RSF1: variants seen among roughly 807,000 people sequenced by gnomAD.
RSF1 encodes HBV pX-associated protein 8.
A neutral mutation model predicts 145.2 loss-of-function variants in RSF1; 13 were observed. The observed-to-expected ratio is 0.09, with a 90% CI of 0.06 to 0.14. The LOEUF is 0.14. Ranked by LOEUF, RSF1 falls within the 10% of genes least tolerant of loss-of-function variation. The pLI is 1.00. For missense variants in RSF1, 1,517 were observed against 1,718.2 expected (o/e 0.88, Z 2.07); for synonymous variants, 577 against 592.6 (o/e 0.97, Z 0.38).
chr11:77,748,251 G>T, intron 2 of RSF1, among the ~76,000 whole-genome samples: 1 of 145,098 alleles, frequency 6.9e-6, no homozygotes, highest in South Asian at 2.2e-4. Flanking sequence ...TTGGAGATAG[G>T]TCTCACTCTG....
At chr11:77,674,577 G>GCATCTAGA in intron 14 of RSF1, among the ~76,000 whole-genome samples, 1 of 152,182 alleles carries the variant, frequency 6.6e-6, no homozygotes, top group African/African-American at 2.4e-5. Flanking sequence ...ATCCTACTAG[G>GCATCTAGA]CATCTGATAT....
the RSF1 span, among the ~76,000 whole-genome samples, chr11:77,841,646 T>C: frequency 1.3e-5 from 2 of 152,170 alleles, no homozygotes; most frequent in Admixed American, 6.6e-5. Flanking sequence ...CCCAGAATGT[T>C]TGGGTGTCTT....
chr11:77,816,380 AAG>A (rs1948782052), intron 1 of RSF1, among the ~76,000 whole-genome samples: 2 of 152,252 alleles, frequency 1.3e-5, no homozygotes, highest in South Asian at 2.1e-4. Flanking sequence ...CAGTACCAGT[AAG>A]AGAGACCATA....
Position 77,665,436 on chromosome 11 carries a change from AC to A in RSF1, c.*1480del. 1 of 152,374 alleles carries A rather than the reference AC, an allele frequency of 6.6e-6. No individual in the cohort carries two copies. The highest frequency in any genetic ancestry group is 1.5e-5 in the Non-Finnish European group (1 of 68,048). 9.4% of individuals were successfully genotyped at this position (152,374 alleles called of 1,614,324 possible). ...CAGGCTAGGTTTAATCACAAGTGCTACACTCTGTACAATGTTATGGCTCTGC... is the reference window on the plus strand; with the variant it reads ...CAGGCTAGGTTTAATCACAAGTGCTAACTCTGTACAATGTTATGGCTCTGC... On this transcript the variant is annotated 3_prime_UTR_variant, in exon 16 of 16. Coordinates refer to ENST00000308488, the MANE Select transcript of RSF1 (RefSeq NM_016578.4).
chr11:77,683,097 C>T (rs1247628379), intron 11 of RSF1, among the ~76,000 whole-genome samples: 1 of 151,630 alleles, frequency 6.6e-6, no homozygotes, highest in Non-Finnish European at 1.5e-5. Context: ...TTGAGACTAT[C>T]CTGGCCAACA....
chr11:77,870,682 G>T, the RSF1 span, among the ~76,000 whole-genome samples: 51 of 152,052 alleles, frequency 3.4e-4, no homozygotes, highest in African/African-American at 1.2e-3. Flanking sequence ...CATTGTAAAA[G>T]ATTTAAAAAT....
chr11:77,815,350 T>C (rs935552509), intron 1 of RSF1, among the ~76,000 whole-genome samples: 1 of 152,200 alleles, frequency 6.6e-6, no homozygotes, highest in Non-Finnish European at 1.5e-5. Flanking sequence ...AATACCCTAA[T>C]ACCTTTTGTG....
At chr11:77,788,142 CAAAAAAAA>C (rs66595170) in intron 1 of RSF1, among the ~76,000 whole-genome samples, 4 of 3,428 alleles carry the variant, frequency 1.2e-3, no homozygotes, top group Admixed American at 7.6e-3. Context: ...GACACTATCT[CAAAAAAAA>C]AAAAAAAAAA....
chr11:77,714,693 T>C (rs1355544894), intron 5 of RSF1, among the ~76,000 whole-genome samples: 4 of 152,122 alleles, frequency 2.6e-5, no homozygotes, highest in African/African-American at 4.8e-5. Context: ...AATACAAAAA[T>C]TAGCTAAGCG....
At chr11:77,814,187 G>A (rs183288578) in intron 1 of RSF1, among the ~76,000 whole-genome samples, 187 of 116,364 alleles carry the variant, frequency 1.6e-3, no homozygotes, top group African/African-American at 6.6e-3. Context: ...GCCACAGAGC[G>A]AGACTGTCTC....
intron 1 of RSF1, among the ~76,000 whole-genome samples, chr11:77,771,817 T>G (rs1948288453): frequency 6.6e-6 from 1 of 152,108 alleles, no homozygotes; most frequent in African/African-American, 2.4e-5. Context: ...GAGGAACAAA[T>G]TGGAGAGGGT....
At chr11:77,813,697 A>G in intron 1 of RSF1, 1 of 465,778 alleles carries the variant, frequency 2.1e-6, no homozygotes, top group South Asian at 1.9e-5. Flanking sequence ...CGGCTTCCTG[A>G]CCGACTTGTT....
chr11:77,852,654 C>T, the RSF1 span, among the ~76,000 whole-genome samples: 2 of 152,190 alleles, frequency 1.3e-5, no homozygotes, highest in Admixed American at 1.3e-4. Flanking sequence ...ATCACATTCC[C>T]ACCTCACTCC....
the RSF1 span, among the ~76,000 whole-genome samples, chr11:77,849,216 T>A: frequency 2.0e-5 from 3 of 151,834 alleles, no homozygotes; most frequent in Admixed American, 6.6e-5. Flanking sequence ...TTTTATTTTT[T>A]ATTTTTATTT....
intron 11 of RSF1, among the ~76,000 whole-genome samples, chr11:77,683,096 T>C (rs1362104042): frequency 2.0e-5 from 3 of 151,718 alleles, no homozygotes; most frequent in African/African-American, 7.3e-5. Flanking sequence ...GTTGAGACTA[T>C]CCTGGCCAAC....
At chr11:77,824,446 C>G (rs1476340852), upstream of RSF1, among the ~76,000 whole-genome samples, 1 of 152,078 alleles carries the variant, frequency 6.6e-6, no homozygotes, top group Non-Finnish European at 1.5e-5. Context: ...ATATTTTGCT[C>G]AATTAGAATT....
At chr11:77,679,168 A>G (rs957795635) in intron 11 of RSF1, among the ~76,000 whole-genome samples, 39 of 152,230 alleles carry the variant, frequency 2.6e-4, no homozygotes, top group Non-Finnish European at 4.7e-4. Flanking sequence ...AATTTGAATT[A>G]TAGGTAATTT....
intron 1 of RSF1, among the ~76,000 whole-genome samples, chr11:77,778,195 A>G (rs1386929964): frequency 2.6e-3 from 20 of 7,564 alleles, no homozygotes; most frequent in Admixed American, 3.5e-3. Context: ...GGGGTGGGGG[A>G]GGGAAGGGGA....
chr11:77,704,401 C>A (rs1189477431), intron 5 of RSF1, among the ~76,000 whole-genome samples: 2 of 152,178 alleles, frequency 1.3e-5, no homozygotes, highest in Non-Finnish European at 2.9e-5. Context: ...TATCCCTATT[C>A]TATGGTTCAG....
Sources: allele counts gnomAD v4.1 joint callset (sites outside exome capture counted in the v4.1 genomes callset), GRCh38; gene constraint gnomAD v4.1.1; transcripts MANE v1.5; gene names NCBI Gene and HGNC (gene_info 2026-07-23, HGNC 2026-07-21).